Variants in MACROD2 observed in about 807,000 individuals in gnomAD.
MACROD2 encodes ADP-ribose glycohydrolase MACROD2.
MACROD2 carries 36 observed loss-of-function variants against 70.4 expected under a neutral mutation model. The ratio of observed to expected loss-of-function variants is 0.51; its 90% CI spans 0.39 to 0.68. The LOEUF (loss-of-function observed/expected upper bound fraction) is 0.68, where lower values mean the gene tolerates loss of function less well. Ranked by LOEUF, MACROD2 falls within the 30% of genes least tolerant of loss-of-function variation. The pLI, the probability that MACROD2 is intolerant of heterozygous loss-of-function variation, is 0.00. For synonymous variants in MACROD2, 172 were observed against 178.8 expected (o/e 0.96, Z 0.30); for missense variants, 496 against 538.4 (o/e 0.92, Z 0.78).
chr20:14,759,127 C>G (rs552312937), intron 5 of MACROD2, among the ~76,000 whole-genome samples: 1 of 152,134 alleles, frequency 6.6e-6, no homozygotes, highest in South Asian at 2.1e-4. Context: ...GATTGCTTTT[C>G]TGGCTCATTG....
intron 5 of MACROD2, among the ~76,000 whole-genome samples, chr20:15,011,151 C>G (rs1230680506): frequency 6.6e-6 from 1 of 152,182 alleles, no homozygotes; most frequent in Non-Finnish European, 1.5e-5. Context: ...TGTGGCTTGT[C>G]CATAGACCTC....
chr20:14,839,079 G>A lies in MACROD2; in HGVS notation c.418+154120G>A, dbSNP rs138513264. On this transcript the variant is annotated intron_variant, in intron 5 of 17. Transcript: ENST00000684519. ...GTTTAGTCATTTCAAGGCATTTATCGTTGAAGCAGCGTAGGGGTCGTTTGG... is the reference window on the plus strand; with the variant it reads ...GTTTAGTCATTTCAAGGCATTTATCATTGAAGCAGCGTAGGGGTCGTTTGG... 1.0e-3 allele frequency among the ~76,000 whole-genome samples: 156 copies of A among 152,122 alleles called. 1 individual carries two copies. The highest frequency in any genetic ancestry group is 6.8e-3 in the Middle Eastern group (2 of 294).
intron 2 of MACROD2, among the ~76,000 whole-genome samples, chr20:14,079,506 C>G (rs1362039499): frequency 6.6e-6 from 1 of 152,164 alleles, no homozygotes; most frequent in Non-Finnish European, 1.5e-5. Flanking sequence ...TTCTATAACT[C>G]ATGACAATTT....
intron 5 of MACROD2, among the ~76,000 whole-genome samples, chr20:14,771,886 G>A (rs940222314): frequency 4.6e-5 from 7 of 151,730 alleles, no homozygotes; most frequent in African/African-American, 9.7e-5. Flanking sequence ...TAATTAGAAC[G>A]TGCAAACTCA....
At chr20:15,030,662 T>TAGAC (rs1460195967) in intron 5 of MACROD2, among the ~76,000 whole-genome samples, 2 of 144,604 alleles carry the variant, frequency 1.4e-5, no homozygotes, top group South Asian at 4.3e-4. Context: ...TATAGATAGA[T>TAGAC]AGACAGATAG....
rs143707092 is a variant in MACROD2 at position 14,561,809 on chromosome 20, T to C, written c.301+68301T>C. On this transcript the variant is annotated intron_variant, in intron 4 of 17. Coordinates refer to ENST00000684519, the MANE Select transcript of MACROD2 (RefSeq NM_001351661.2). ...AAGCATAATCTCTAGTGCTGCCTCT[T>C]CTCTATTACAGCTTAAACTGTACTC... 5.5e-3 allele frequency among the ~76,000 whole-genome samples: 837 copies of C among 151,896 alleles called. 9 individuals are homozygous for C. The highest frequency in any genetic ancestry group is 0.019 in the African/African-American group (784 of 41,466).
intron 6 of MACROD2, among the ~76,000 whole-genome samples, chr20:15,285,410 C>T (rs773311721): frequency 6.6e-6 from 1 of 152,176 alleles, no homozygotes; most frequent in Non-Finnish European, 1.5e-5. Context: ...AACTCAGTCT[C>T]TCAAATTTTC....
chr20:15,065,571 G>A (rs558686508), intron 5 of MACROD2, among the ~76,000 whole-genome samples: 133 of 151,376 alleles, frequency 8.8e-4, no homozygotes, highest in Non-Finnish European at 1.6e-3. Flanking sequence ...GGAGAATGGC[G>A]TGAACCTGGG....
chr20:15,216,005 T>C (rs2076807125), intron 5 of MACROD2, among the ~76,000 whole-genome samples: 1 of 151,866 alleles, frequency 6.6e-6, no homozygotes, highest in Non-Finnish European at 1.5e-5. Flanking sequence ...ATGGAGAAAA[T>C]GAAAGAGTAG....
chr20:15,777,544 TC>T (rs771966975), intron 8 of MACROD2, among the ~76,000 whole-genome samples: 12,832 of 123,866 alleles, frequency 0.1, 1,055 homozygotes, highest in Middle Eastern at 0.24. Flanking sequence ...CTTCCTTCCT[TC>T]CTTCCTTCCT....
intron 6 of MACROD2, among the ~76,000 whole-genome samples, chr20:15,422,090 A>G (rs1472104808): frequency 6.6e-6 from 1 of 152,146 alleles, no homozygotes. Context: ...TGTGGCTGGA[A>G]CTCAGGAGCA....
chr20:14,593,538 AGTT>A (rs1390109406), intron 4 of MACROD2, among the ~76,000 whole-genome samples: 1 of 152,256 alleles, frequency 6.6e-6, no homozygotes, highest in East Asian at 1.9e-4. Context: ...CTTGGGAAAA[AGTT>A]GTTTATAATC....
intron 8 of MACROD2, among the ~76,000 whole-genome samples, chr20:15,545,674 G>A (rs1252779128): frequency 1.3e-5 from 2 of 152,172 alleles, no homozygotes; most frequent in Admixed American, 6.5e-5. Flanking sequence ...CTTTGGACTC[G>A]AGGATTAGAG....
chr20:15,519,050 C>T (rs977286308), intron 8 of MACROD2, among the ~76,000 whole-genome samples: 17 of 151,426 alleles, frequency 1.1e-4, no homozygotes, highest in Admixed American at 5.9e-4. Flanking sequence ...ACTGTTAACT[C>T]GCTCTTTCCT....
At chr20:15,781,462 T>TA (rs11087143) in intron 8 of MACROD2, among the ~76,000 whole-genome samples, 74,762 of 151,936 alleles carry the variant, frequency 0.49, 19,186 homozygotes, top group African/African-American at 0.64. Flanking sequence ...CTTATAGTTC[T>TA]GAGGCTGGGA....
chr20:15,194,903 A>C (rs2145919473), intron 5 of MACROD2, among the ~76,000 whole-genome samples: 3 of 150,938 alleles, frequency 2.0e-5, no homozygotes, highest in Admixed American at 2.0e-4. Flanking sequence ...AATTTTTAAG[A>C]GTATAGGCAA....
At chr20:15,885,897 CAAAAT>C (rs2064816303) in intron 10 of MACROD2, 86 bp downstream of exon 10, 1 of 1,307,506 alleles carries the variant, frequency 7.6e-7, no homozygotes, top group African/African-American at 1.6e-5. Context: ...CAACGAAAGA[CAAAAT>C]AAGATTAATA....
At chr20:15,018,981 C>G (rs919603970) in intron 5 of MACROD2, among the ~76,000 whole-genome samples, 1 of 152,162 alleles carries the variant, frequency 6.6e-6, no homozygotes, top group African/African-American at 2.4e-5. Context: ...GCTTGTACAG[C>G]CTGCAGAATC....
At chr20:14,786,986 T>C (rs1191283540) in intron 5 of MACROD2, among the ~76,000 whole-genome samples, 4 of 152,058 alleles carry the variant, frequency 2.6e-5, no homozygotes, top group Non-Finnish European at 5.9e-5. Flanking sequence ...AGGCAATTTC[T>C]AAGGAGGTCA....
Sources: allele counts gnomAD v4.1 joint callset (sites outside exome capture counted in the v4.1 genomes callset), GRCh38; gene constraint gnomAD v4.1.1; transcripts MANE v1.5; gene names NCBI Gene and HGNC (gene_info 2026-07-23, HGNC 2026-07-21).